TMPRSS11B: variants seen among roughly 807,000 people sequenced by gnomAD.
TMPRSS11B encodes the protein transmembrane serine protease 11B, also known as transmembrane protease serine 11B.
TMPRSS11B carries 53 observed loss-of-function variants against 44.7 expected under a neutral mutation model. The observed-to-expected ratio is 1.19, with a 90% CI of 0.95 to 1.49. The LOEUF (loss-of-function observed/expected upper bound fraction) is 1.49. Among genes scored for constraint, TMPRSS11B ranks in the 40% most tolerant of loss-of-function variants. The pLI, the probability that TMPRSS11B is intolerant of heterozygous loss-of-function variation, is 0.00. For missense variants in TMPRSS11B, 526 were observed against 494.8 expected (o/e 1.06, Z -0.60); for synonymous variants, 140 against 159.2 (o/e 0.88, Z 0.91).
chr4:68,245,231 A>C (rs1420697975), intron 1 of TMPRSS11B, among the ~76,000 whole-genome samples: 1 of 152,208 alleles, frequency 6.6e-6, no homozygotes, highest in African/African-American at 2.4e-5. Context: ...TTACTAGAGA[A>C]TAAAAACGGT....
intron 4 of TMPRSS11B, 96 bp downstream of exon 4, chr4:68,235,906 A>C: frequency 1.9e-6 from 1 of 523,444 alleles, no homozygotes; most frequent in Non-Finnish European, 3.1e-6. Flanking sequence ...CTTTTTCTTT[A>C]TGTTTGTTTT....
rs370325317 is a variant in TMPRSS11B at position 68,242,310 on chromosome 4, TA to T, written c.9-507del. 2.7e-3 allele frequency among the ~76,000 whole-genome samples: 19 copies of T among 7,086 alleles called. No homozygotes were observed. In the South Asian group the frequency reaches 0.05, roughly 19 times the overall value. The allele number at this position is 7,086 out of a possible 152,430, so 4.6% of individuals were successfully genotyped here. A position where few individuals can be genotyped will look rare whatever the true frequency, so the allele number is the denominator to read the frequency against. The stretch of plus-strand genomic sequence containing the variant: ...TATATTATACATAATATAATATATA[TA>T]ATATTATATATATAATATTATATTA... On this transcript the variant is annotated intron_variant, in intron 1 of 9. Transcript: ENST00000332644.
intron 2 of TMPRSS11B, among the ~76,000 whole-genome samples, chr4:68,238,663 G>T (rs112277736): frequency 6.6e-6 from 1 of 152,118 alleles, no homozygotes; most frequent in Non-Finnish European, 1.5e-5. Context: ...GGAGGCAGAG[G>T]TTGCAGTTTG....
At chr4:68,237,112 C>T (rs1308403036) in intron 2 of TMPRSS11B, among the ~76,000 whole-genome samples, 2 of 152,048 alleles carry the variant, frequency 1.3e-5, no homozygotes, top group African/African-American at 4.8e-5. Context: ...CCTGCCAACC[C>T]TGGTGTGTGA....
intron 1 of TMPRSS11B, among the ~76,000 whole-genome samples, chr4:68,243,034 G>T (rs190728769): frequency 1.3e-5 from 2 of 152,248 alleles, no homozygotes; most frequent in African/African-American, 2.4e-5. Flanking sequence ...CAGTTACATT[G>T]TATGGCCACA....
chr4:68,235,673 A>G (rs780215427), intron 4 of TMPRSS11B, among the ~76,000 whole-genome samples: 25 of 152,288 alleles, frequency 1.6e-4, no homozygotes, highest in Non-Finnish European at 2.9e-4. Flanking sequence ...TGGAGTTATA[A>G]TTATCTTTCA....
At chr4:68,228,398 T>C (rs75738474) in intron 9 of TMPRSS11B, among the ~76,000 whole-genome samples, 39,439 of 152,156 alleles carry the variant, frequency 0.26, 6,367 homozygotes, top group East Asian at 0.42. Context: ...GGCATAGGCA[T>C]GTGCCCAGAC....
At chr4:68,231,434 A>G in intron 6 of TMPRSS11B, 54 bp from the exon 7 acceptor site, 2 of 1,302,166 alleles carry the variant, frequency 1.5e-6, no homozygotes, top group East Asian at 2.7e-5. Context: ...ACGCATTATA[A>G]AAAAATATAT....
intron 2 of TMPRSS11B, 65 bp downstream of exon 2, chr4:68,241,624 T>G: frequency 3.0e-6 from 3 of 1,002,696 alleles, no homozygotes. Flanking sequence ...CATGTTGTTT[T>G]TTTTCAATTT....
chr4:68,231,384 G>C lies in TMPRSS11B; in HGVS notation c.509-4C>G, dbSNP rs1176327637. On this transcript the variant is annotated splice_polypyrimidine_tract_variant and splice_region_variant and intron_variant, in intron 6 of 9. Transcript: ENST00000332644. Reference sequence around the variant, plus strand: ...TTGGCTACTTGTCTCCCACAACCTAGAGAAAGGATTTATTTACACGAGAGC... The same window carrying C: ...TTGGCTACTTGTCTCCCACAACCTACAGAAAGGATTTATTTACACGAGAGC... The C allele has an allele frequency of 2.5e-6, 4 of 1,607,690 alleles. No individual in the cohort carries two copies. Among genetic ancestry groups the C allele is most frequent in the South Asian group, 2.2e-5 (2 of 89,970 alleles).
At chr4:68,238,164 C>A (rs573671199) in intron 2 of TMPRSS11B, among the ~76,000 whole-genome samples, 1 of 152,136 alleles carries the variant, frequency 6.6e-6, no homozygotes, top group African/African-American at 2.4e-5. Flanking sequence ...AAAGTATGAT[C>A]TCCTAAGCTG....
chr4:68,245,331 A>G (rs1171965210), intron 1 of TMPRSS11B, among the ~76,000 whole-genome samples: 1 of 152,168 alleles, frequency 6.6e-6, no homozygotes, highest in Non-Finnish European at 1.5e-5. Context: ...TTTCCCAGTA[A>G]GCAAAATTTT....
chr4:68,228,956 A>G (rs1719431992), intron 8 of TMPRSS11B, 72 bp from the exon 9 acceptor site: 43 of 1,500,026 alleles, frequency 2.9e-5, no homozygotes, highest in Non-Finnish European at 3.7e-5. Flanking sequence ...TACCTATAGC[A>G]TAAAGCAGAC....
At position 68,232,431 on chromosome 4, in the gene TMPRSS11B, CA is replaced by C; in HGVS notation, c.470-16del. 8 of 1,608,120 alleles carry C rather than the reference CA, an allele frequency of 5.0e-6. No homozygotes were observed. Among genetic ancestry groups the C allele is most frequent in the Non-Finnish European group, 6.8e-6 (8 of 1,177,156 alleles). On this transcript the variant is annotated splice_polypyrimidine_tract_variant and intron_variant, in intron 5 of 9. Coordinates refer to ENST00000332644, the MANE Select transcript of TMPRSS11B (RefSeq NM_182502.3). ...CTTGCTGATTTCTGAAAGTGAAAAA[CA>C]AAACAAAATATAAAATTGAGCAAAT...
rs537478640 is a variant in TMPRSS11B, at chr4:68,242,418, CATAAT to C, written c.9-619_9-615del. ...TATATTATGTATTATATTATAAATA[CATAAT>C]ATAACAAGTTTTAATTATAGGTTTG... On this transcript the variant is annotated intron_variant, in intron 1 of 9. Transcript: ENST00000332644. Among the ~76,000 whole-genome samples the C allele has an allele frequency of 7.5e-3, 797 of 106,712 alleles. 16 individuals are homozygous for C. The highest frequency in any genetic ancestry group is 0.028 in the African/African-American group (764 of 27,034). 70.0% of individuals were successfully genotyped at this position (106,712 alleles called of 152,430 possible). A position where few individuals can be genotyped will look rare whatever the true frequency, so the allele number is the denominator to read the frequency against.
rs1719829557 is a variant in TMPRSS11B at position 68,241,769 on chromosome 4, C to G, written c.44G>C (p.Trp15Ser). 6.2e-7 allele frequency: 1 copy of G among 1,613,070 alleles called. No individual in the cohort carries two copies. ...GISSQRSWPL[W>S]TTIFIFLGVA... is the part of the protein sequence containing the mutation. ...TCCAAGAAAAATAAAGATCGTAGTC[C>G]ATAGTGGCCAAGATCTTTGGGAAGA... The change falls in exon 2 of 10, where the codon TGG becomes TCG. Residue 15 changes from tryptophan to serine, a missense_variant. By Grantham distance (177) the Trp-to-Ser change is radical. Coordinates refer to ENST00000332644, the MANE Select transcript of TMPRSS11B (RefSeq NM_182502.3).
intron 8 of TMPRSS11B, 138 bp from the exon 9 acceptor site, chr4:68,229,022 G>T: frequency 1.0e-6 from 1 of 995,626 alleles, no homozygotes; most frequent in Non-Finnish European, 1.5e-6. Flanking sequence ...TCTTTCAGGT[G>T]TTTGTAATAG....
Position 68,236,024 on chromosome 4 carries a change from T to C in TMPRSS11B, c.286A>G (p.Lys96Glu), listed in dbSNP as rs752405819. 24 of 1,581,612 alleles carry C rather than the reference T, an allele frequency of 1.5e-5. No homozygotes were observed. In the South Asian group the frequency reaches 2.8e-4, roughly 18 times the overall value. ...QNSSIYKEYVKSEVIKLLPNA... is the reference protein window; with the variant it reads ...QNSSIYKEYVESEVIKLLPNA... Reference sequence around the variant, plus strand: ...TACAGAAGTTTGATGACCTCAGATTTGACATATTCCTTATATATACTGGAA... The same window carrying C: ...TACAGAAGTTTGATGACCTCAGATTCGACATATTCCTTATATATACTGGAA... Residue 96 changes from lysine (K) to glutamate (E), a missense_variant, in exon 4 of 10, where the codon AAA becomes GAA. Lys to Glu is a moderately conservative substitution (Grantham distance 56). Coordinates refer to ENST00000332644, the MANE Select transcript of TMPRSS11B (RefSeq NM_182502.3).
chr4:68,234,374 A>G (rs947033740), intron 5 of TMPRSS11B, 89 bp downstream of exon 5: 13 of 1,422,044 alleles, frequency 9.1e-6, no homozygotes, highest in Admixed American at 4.4e-5. Context: ...CCGAATTACT[A>G]AAACTCTTAG....
Sources: gnomAD v4.1 joint callset for allele counts (sites outside exome capture counted in the v4.1 genomes callset) on GRCh38, gnomAD v4.1.1 for gene constraint, MANE v1.5 for transcripts, NCBI Gene and HGNC (gene_info 2026-07-23, HGNC 2026-07-21) for gene names.